The following KIDINS220 variants were observed in gnomAD, a reference collection of about 807,000 sequenced individuals.
KIDINS220 encodes kinase D interacting substrate 220.
Under a neutral mutation model 157.6 loss-of-function variants are expected in KIDINS220, and 63 were observed. That is an observed-to-expected ratio of 0.40 (90% confidence interval 0.33 to 0.49). The LOEUF is 0.49. Ranked by LOEUF, KIDINS220 falls within the 20% of genes least tolerant of loss-of-function variation. KIDINS220 has a pLI of 0.66. For synonymous variants in KIDINS220, 732 were observed against 783.6 expected, an observed-to-expected ratio of 0.93 and a Z score of 1.10; for missense variants, 1,772 against 2,171.2, an observed-to-expected ratio of 0.82 and a Z score of 3.65.
rs1572415272 is a variant in KIDINS220, at chr2:8,734,157, G to T, written c.3817-477C>A. Among the ~76,000 whole-genome samples the T allele has an allele frequency of 5.9e-5, 9 of 151,828 alleles. 1 individual carries two copies. Among genetic ancestry groups the T allele is most frequent in the Admixed American group, 5.9e-4 (9 of 15,288 alleles). Reference sequence around the variant, plus strand: ...GTGGATGGAACATTACTAAGGGGAGGCAGCAGGAGTGGGGGACTCTTGGTA... The same window carrying T: ...GTGGATGGAACATTACTAAGGGGAGTCAGCAGGAGTGGGGGACTCTTGGTA... On this transcript the variant is annotated intron_variant, in intron 28 of 29. Coordinates refer to ENST00000256707, the MANE Select transcript of KIDINS220 (RefSeq NM_020738.4).
chr2:8,828,232 T>G (rs1679101150), intron 1 of KIDINS220, among the ~76,000 whole-genome samples: 1 of 152,324 alleles, frequency 6.6e-6, no homozygotes, highest in East Asian at 1.9e-4. Context: ...GCTACTTTTC[T>G]GTCTGCCTAA....
At chr2:8,751,704 G>A in intron 22 of KIDINS220, 60 bp from the exon 23 acceptor site, 1 of 1,179,936 alleles carries the variant, frequency 8.5e-7, no homozygotes, top group Non-Finnish European at 1.2e-6. Flanking sequence ...GGTAAATTCT[G>A]CATGTCACCT....
chr2:8,809,847 C>T (rs1468292103), intron 6 of KIDINS220, among the ~76,000 whole-genome samples: 1 of 151,962 alleles, frequency 6.6e-6, no homozygotes, highest in Non-Finnish European at 1.5e-5. Flanking sequence ...TTCTAAAACA[C>T]CCCTTTGCAA....
chr2:8,758,170 G>A (rs1322751244), intron 22 of KIDINS220, among the ~76,000 whole-genome samples: 2 of 152,260 alleles, frequency 1.3e-5, no homozygotes, highest in South Asian at 4.1e-4. Context: ...GCCCTGTATG[G>A]CTTTTATAAG....
chr2:8,786,256 C>G lies in KIDINS220; in HGVS notation c.1889G>C (p.Gly630Ala). 6.2e-7 allele frequency: 1 copy of G among 1,614,120 alleles called. No homozygotes were observed. The highest frequency in any genetic ancestry group is 8.5e-7 in the Non-Finnish European group (1 of 1,180,008). The stretch of plus-strand genomic sequence containing the variant: ...TCGAAAAAGCCTGGTTGCCAAAAAG[C>G]CAAACTCTCTTTCACAAGCATCCGA... ...TLSDACEREFGFLATRLFRVF... is the reference protein window; with the variant it reads ...TLSDACEREFAFLATRLFRVF... Residue 630 changes from glycine to alanine, a missense_variant, in exon 16 of 30, where the codon GGC becomes GCC. Physicochemically the swap from Gly to Ala is moderately conservative, Grantham distance 60. Around this residue, in one of 3 missense-constraint regions of KIDINS220, gnomAD observed 725 missense variants for 1,017.1 expected, o/e 0.71. Coordinates refer to ENST00000256707, the MANE Select transcript of KIDINS220 (RefSeq NM_020738.4).
At chr2:8,808,677 A>T (rs988215035) in intron 6 of KIDINS220, among the ~76,000 whole-genome samples, 3 of 152,168 alleles carry the variant, frequency 2.0e-5, no homozygotes, top group African/African-American at 7.2e-5. Context: ...TAATCCCTTT[A>T]TGTGTATTCC....
intron 1 of KIDINS220, among the ~76,000 whole-genome samples, chr2:8,828,402 C>T (rs1443723433): frequency 6.6e-6 from 1 of 152,192 alleles, no homozygotes; most frequent in Non-Finnish European, 1.5e-5. Flanking sequence ...CACTGCTCTC[C>T]ACACCACTTG....
chr2:8,762,088 T>C (rs905111697), intron 22 of KIDINS220, among the ~76,000 whole-genome samples: 5 of 152,206 alleles, frequency 3.3e-5, no homozygotes, highest in Non-Finnish European at 7.4e-5. Flanking sequence ...TAAAATAAAC[T>C]GTAAACCTGC....
intron 20 of KIDINS220, among the ~76,000 whole-genome samples, chr2:8,777,988 C>T (rs1449804400): frequency 6.6e-6 from 1 of 151,976 alleles, no homozygotes; most frequent in Non-Finnish European, 1.5e-5. Context: ...GGTAGCAAAC[C>T]AGAAAAAAAC....
intron 1 of KIDINS220, among the ~76,000 whole-genome samples, chr2:8,827,824 A>C (rs1553339101): frequency 6.6e-6 from 1 of 152,234 alleles, no homozygotes; most frequent in Non-Finnish European, 1.5e-5. Flanking sequence ...AATTAAAATT[A>C]CATTACTTTT....
At position 8,757,915 on chromosome 2, in the gene KIDINS220, T is replaced by G. The variant is rs890812450; in HGVS notation, c.3012-6271A>C. ...TTCACTCTTGTTGCCCAGGCTGGAG[T>G]GCAGTGGTGCAATCTCGGCTCACTG... is the stretch of plus-strand genomic sequence containing the variant. On this transcript the variant is annotated intron_variant, in intron 22 of 29. Transcript: ENST00000256707. 2.1e-4 allele frequency: 160 copies of G among 769,526 alleles called. No individual in the cohort carries two copies. In the African/African-American group the frequency reaches 2.2e-3, roughly 10 times the overall value. The allele number at this position is 769,526 out of a possible 1,614,324, so 47.7% of individuals were successfully genotyped here. A position where few individuals can be genotyped will look rare whatever the true frequency, so the allele number is the denominator to read the frequency against.
At chr2:8,816,064 T>C (rs1270925909) in intron 4 of KIDINS220, among the ~76,000 whole-genome samples, 2 of 152,140 alleles carry the variant, frequency 1.3e-5, no homozygotes, top group Non-Finnish European at 2.9e-5. Context: ...AAGAGAGACA[T>C]GGTCCTCAGT....
chr2:8,762,386 C>CTT (rs1289486987), intron 22 of KIDINS220, among the ~76,000 whole-genome samples: 1 of 152,146 alleles, frequency 6.6e-6, no homozygotes, highest in Non-Finnish European at 1.5e-5. Context: ...GCATTAAACA[C>CTT]TGAAAATGGC....
intron 1 of KIDINS220, among the ~76,000 whole-genome samples, chr2:8,828,341 C>T (rs1679127991): frequency 2.6e-5 from 4 of 152,208 alleles, no homozygotes; most frequent in Admixed American, 2.0e-4. Flanking sequence ...GGGTACCGAC[C>T]CCACACAGGC....
At chr2:8,747,255 CTG>C in intron 25 of KIDINS220, 54 bp from the exon 26 acceptor site, 1 of 1,453,650 alleles carries the variant, frequency 6.9e-7, no homozygotes, top group Non-Finnish European at 9.7e-7. Context: ...GGGAGCCAAA[CTG>C]TGAAGACAAA....
chr2:8,827,536 C>T (rs1374212985), intron 1 of KIDINS220, among the ~76,000 whole-genome samples: 6 of 152,172 alleles, frequency 3.9e-5, no homozygotes, highest in African/African-American at 1.4e-4. Context: ...GCTTTTGGCT[C>T]TACCTGTAAA....
chr2:8,827,215 T>A (rs549962757), intron 1 of KIDINS220, 86 bp from the exon 2 acceptor site: 124 of 556,168 alleles, frequency 2.2e-4, no homozygotes, highest in African/African-American at 1.8e-3. Flanking sequence ...AACATTAACC[T>A]CATGCAAGGA....
intron 22 of KIDINS220, 104 bp downstream of exon 22, chr2:8,770,566 C>A (rs1467934500): frequency 1.2e-5 from 7 of 605,656 alleles, no homozygotes; most frequent in Non-Finnish European, 1.9e-5. Flanking sequence ...CAGGAGTATA[C>A]ATTTTATACA....
intron 27 of KIDINS220, 129 bp from the exon 28 acceptor site, chr2:8,734,882 A>G: frequency 1.7e-6 from 1 of 591,554 alleles, no homozygotes; most frequent in Non-Finnish European, 2.9e-6. Flanking sequence ...GCTGACCAAA[A>G]AAAAGGTTAT....
Sources: gnomAD v4.1 joint callset for allele counts (sites outside exome capture counted in the v4.1 genomes callset) on GRCh38, gnomAD v4.1.1 for gene constraint, gnomAD v4.1.1 regional missense constraint, MANE v1.5 for transcripts, NCBI Gene and HGNC (gene_info 2026-07-23, HGNC 2026-07-21) for gene names.